FGD3: variants seen among roughly 807,000 people sequenced by gnomAD.
FGD3 encodes FYVE, RhoGEF and PH domain containing 3, also known as FYVE, RhoGEF and PH domain-containing protein 3.
A neutral mutation model predicts 71.8 loss-of-function variants in FGD3; 45 were observed. The observed-to-expected ratio is 0.63, with a 90% confidence interval of 0.49 to 0.80. FGD3 has a LOEUF of 0.80. Among genes scored for constraint, FGD3 ranks in the 30% least tolerant of loss-of-function variants. The pLI is 0.00. For synonymous variants in FGD3, 378 were observed against 392.8 expected, an observed-to-expected ratio of 0.96 and a Z score of 0.44; for missense variants, 844 against 951.5, an observed-to-expected ratio of 0.89 and a Z score of 1.49.
chr9:93,014,338 A>C (rs1861571728), intron 9 of FGD3, among the ~76,000 whole-genome samples: 1 of 152,162 alleles, frequency 6.6e-6, no homozygotes, highest in African/African-American at 2.4e-5. Flanking sequence ...TGTAGCAGTG[A>C]ATCACAGTTT....
rs1435514227 is a variant in FGD3, at chr9:93,020,400, C to A, written c.1470C>A (p.Asp490Glu). The A allele has an allele frequency of 6.8e-6, 11 of 1,613,296 alleles. No individual in the cohort carries two copies. Among genetic ancestry groups the A allele is most frequent in the East Asian group, 2.2e-5 (1 of 44,830 alleles). Reference protein sequence around the residue: ...AFGGAFSQDEDPSLSPDMPIT... With the variant: ...AFGGAFSQDEEPSLSPDMPIT... The stretch of plus-strand genomic sequence containing the variant: ...GTGGCGCCTTCAGCCAGGATGAGGA[C>A]CCCAGCCTCTCTCCAGACATGCCTG... The change falls in exon 13 of 18, where the codon GAC becomes GAA. Residue 490 changes from aspartate to glutamate, a missense_variant. Transcript: ENST00000375482.
In FGD3 at chr9:93,018,425, C is replaced by A. The variant is rs569306577; in HGVS notation, c.1355+210C>A. Among the ~76,000 whole-genome samples, 5 of 152,250 alleles carry A rather than the reference C, an allele frequency of 3.3e-5. No homozygotes were observed. The East Asian group carries it at 5.8e-4, about 18-fold the overall frequency. On this transcript the variant is annotated intron_variant, in intron 11 of 17. Coordinates refer to ENST00000375482, the MANE Select transcript of FGD3 (RefSeq NM_001083536.2). ...TTGCCAAGGAAGAAGCTTTAATTGG[C>A]CGAGGAGATGGGAACTCAGTCTCAA...
rs1859467523 is a variant in FGD3 at position 92,969,700 on chromosome 9, G to C, written c.-217-5538G>C. ...ACTCCCGCACGGCCTCCCGGGAAGG[G>C]ACATCTGGTGGCAGATAGAGCTGGG... On this transcript the variant is annotated intron_variant, in intron 1 of 17. Transcript: ENST00000375482. This position sits in a 1 kb window ranked among gnomAD's most constrained non-coding sequence, Gnocchi z 4.5. Among the ~76,000 whole-genome samples, 1 of 152,176 alleles carries C rather than the reference G, an allele frequency of 6.6e-6. No homozygotes were observed. Among genetic ancestry groups the C allele is most frequent in the South Asian group, 2.1e-4 (1 of 4,832 alleles).
chr9:93,011,938 C>G (rs2118745429), intron 8 of FGD3, among the ~76,000 whole-genome samples: 1 of 151,646 alleles, frequency 6.6e-6, no homozygotes, highest in Non-Finnish European at 1.5e-5. Context: ...GCGGGTGGAT[C>G]ATGAGGTCAG....
Position 92,976,572 on chromosome 9 carries a change from G to A in FGD3, c.316G>A (p.Gly106Arg). ...GGCTGGCCCAAGCCCCACTGTACTG[G>A]GGGCGCACGCAGAGATGGCCCTGGA... ...LEAGPSPTVLGAHAEMALDSQ... is the reference protein window; with the variant it reads ...LEAGPSPTVLRAHAEMALDSQ... The change falls in exon 3 of 18, where the codon GGG becomes AGG. Residue 106 changes from glycine (G) to arginine (R), a missense_variant. Gly to Arg is a moderately radical substitution (Grantham distance 125, BLOSUM62 -2). Coordinates refer to ENST00000375482, the MANE Select transcript of FGD3 (RefSeq NM_001083536.2). 1 of 1,612,678 alleles carries A rather than the reference G, an allele frequency of 6.2e-7. No individual in the cohort carries two copies. The highest frequency in any genetic ancestry group is 1.1e-5 in the South Asian group (1 of 90,952).
At chr9:93,007,956 G>C (rs1271615595) in intron 6 of FGD3, among the ~76,000 whole-genome samples, 2 of 152,196 alleles carry the variant, frequency 1.3e-5, no homozygotes, top group Non-Finnish European at 2.9e-5. Context: ...AGAAGACCTG[G>C]TGTGGAAAAA....
At chr9:93,028,031 A>G (rs1229593823) in intron 14 of FGD3, among the ~76,000 whole-genome samples, 1 of 151,990 alleles carries the variant, frequency 6.6e-6, no homozygotes, top group Non-Finnish European at 1.5e-5. Context: ...CCTTCTCCTT[A>G]AACCTGAAGA....
chr9:93,034,487 A>G (rs1862507915), intron 16 of FGD3, 54 bp from the exon 17 acceptor site: 1 of 1,546,870 alleles, frequency 6.5e-7, no homozygotes, highest in Non-Finnish European at 8.8e-7. Context: ...TCCTCAGAAC[A>G]GGGGTGACCA....
intron 3 of FGD3, among the ~76,000 whole-genome samples, chr9:92,988,936 T>C (rs1447503292): frequency 6.6e-6 from 1 of 152,218 alleles, no homozygotes; most frequent in East Asian, 1.9e-4. Context: ...GAAACTACAT[T>C]AGTCTGCCTT....
chr9:92,985,010 G>T (rs190507927), intron 3 of FGD3, among the ~76,000 whole-genome samples: 1 of 152,330 alleles, frequency 6.6e-6, no homozygotes, highest in Admixed American at 6.5e-5. Context: ...AAGCCAGCTA[G>T]AGCAGAGAGC....
chr9:93,017,500 C>T (rs1861746563), intron 10 of FGD3, among the ~76,000 whole-genome samples: 1 of 151,942 alleles, frequency 6.6e-6, no homozygotes, highest in Non-Finnish European at 1.5e-5. Flanking sequence ...CCAACTACCC[C>T]ACTGCAATGA....
Position 93,003,064 on chromosome 9 carries a change from G to T in FGD3, c.543+50G>T. 6.6e-7 allele frequency: 1 copy of T among 1,526,262 alleles called. No individual in the cohort carries two copies. Among genetic ancestry groups the T allele is most frequent in the Non-Finnish European group, 9.1e-7 (1 of 1,100,550 alleles). 94.5% of individuals were successfully genotyped at this position (1,526,262 alleles called of 1,614,324 possible). On this transcript the variant is annotated intron_variant, in intron 4 of 17. Coordinates refer to ENST00000375482, the MANE Select transcript of FGD3 (RefSeq NM_001083536.2). This position sits in a 1 kb window ranked among gnomAD's most constrained non-coding sequence, Gnocchi z 4.1. ...TTTCAGTATCTCTTAGCATTGGCTGGGCATTATAGGTGCAGTGTGAATGAC... is the reference window on the plus strand; with the variant it reads ...TTTCAGTATCTCTTAGCATTGGCTGTGCATTATAGGTGCAGTGTGAATGAC...
intron 1 of FGD3, among the ~76,000 whole-genome samples, chr9:92,966,724 C>T (rs762898588): frequency 2.0e-4 from 30 of 152,158 alleles, no homozygotes; most frequent in Non-Finnish European, 3.8e-4. Context: ...GGCTGAGCTC[C>T]GCAGCCTCAG....
At chr9:93,023,249 G>T (rs2118801653) in intron 14 of FGD3, among the ~76,000 whole-genome samples, 1 of 152,290 alleles carries the variant, frequency 6.6e-6, no homozygotes, top group East Asian at 1.9e-4. Context: ...CTTTCCAGGT[G>T]GGCTGGCCGC....
intron 3 of FGD3, among the ~76,000 whole-genome samples, chr9:92,999,888 G>T (rs1203305043): frequency 6.6e-6 from 1 of 152,012 alleles, no homozygotes; most frequent in Non-Finnish European, 1.5e-5. Context: ...CACCACGCCT[G>T]GCTGCCAATA....
chr9:93,002,987 T>G lies in FGD3; in HGVS notation c.516T>G (p.Tyr172Ter). 6.2e-7 allele frequency: 1 copy of G among 1,614,192 alleles called. No individual in the cohort carries two copies. The highest frequency in any genetic ancestry group is 1.1e-5 in the South Asian group (1 of 91,082). ...AGCTCCTGCACACCGAGGAGACCTA[T>G]GTGAAGCGGCTGCACCTGCTGGACC... The part of the protein sequence containing the change: ...AQELLHTEET[Y>*]VKRLHLLDQV... The change falls in exon 4 of 18, where the codon TAT (tyrosine) becomes TAG (stop). Residue 172 changes from tyrosine to a stop codon, truncating the protein, a stop_gained. Coordinates refer to ENST00000375482, the MANE Select transcript of FGD3 (RefSeq NM_001083536.2). LOFTEE classifies it high-confidence loss of function.
Position 92,969,244 on chromosome 9 carries a change from G to T in FGD3, c.-217-5994G>T, listed in dbSNP as rs1859446165. ...CCATTGCATAAGGCTTCCCCCAAAG[G>T]CTTCAGGCCTGGCTGCCACCTGCTG... On this transcript the variant is annotated intron_variant, in intron 1 of 17. Coordinates refer to ENST00000375482, the MANE Select transcript of FGD3 (RefSeq NM_001083536.2). The surrounding 1 kb of genome is among the most constrained non-coding windows in gnomAD (Gnocchi z 4.5). Among the ~76,000 whole-genome samples the T allele has an allele frequency of 6.6e-6, 1 of 152,196 alleles. No homozygotes were observed. Among genetic ancestry groups the T allele is most frequent in the Non-Finnish European group, 1.5e-5 (1 of 68,030 alleles).
chr9:92,956,027 A>C (rs1482342996), intron 1 of FGD3, among the ~76,000 whole-genome samples: 1 of 152,168 alleles, frequency 6.6e-6, no homozygotes, highest in African/African-American at 2.4e-5. Flanking sequence ...CCATGTCTGC[A>C]TGTTCATTGC....
At chr9:92,955,921 G>T (rs1021395482) in intron 1 of FGD3, among the ~76,000 whole-genome samples, 1 of 152,252 alleles carries the variant, frequency 6.6e-6, no homozygotes, top group African/African-American at 2.4e-5. Context: ...CTAGGCTGCT[G>T]TGTGTGTCAA....
Sources: allele counts gnomAD v4.1 joint callset (sites outside exome capture counted in the v4.1 genomes callset), GRCh38; gene constraint gnomAD v4.1.1; non-coding constraint Gnocchi (gnomAD v3.1); transcripts MANE v1.5; gene names NCBI Gene and HGNC (gene_info 2026-07-23, HGNC 2026-07-21).